CIDEC: variants seen among roughly 807,000 people sequenced by gnomAD.
CIDEC encodes the protein lipid transferase CIDEC.
In CIDEC, 11 loss-of-function variants were observed where a neutral mutation model predicts 21.9. The ratio of observed to expected loss-of-function variants is 0.50; its 90% CI spans 0.32 to 0.83. The LOEUF is 0.83. Ranked by LOEUF, CIDEC falls within the 40% of genes least tolerant of loss-of-function variation. The probability of loss-of-function intolerance (pLI) is 0.04; values close to 1 mark genes in which losing one functional copy is unlikely to be tolerated. For missense variants in CIDEC, 302 were observed against 302.3 expected, an observed-to-expected ratio of 1.00 and a Z score of 0.01; for synonymous variants, 127 against 124.9, an observed-to-expected ratio of 1.02 and a Z score of -0.11.
chr3:9,874,325 A>G (rs466573), intron 4 of CIDEC, among the ~76,000 whole-genome samples: 119,070 of 151,656 alleles, frequency 0.79, 46,819 homozygotes, highest in Middle Eastern at 0.83. Flanking sequence ...AGACCAGGCT[A>G]GGAAACATAG....
intron 4 of CIDEC, among the ~76,000 whole-genome samples, chr3:9,874,045 T>C (rs770589417): frequency 9.9e-5 from 15 of 152,054 alleles, no homozygotes; most frequent in Middle Eastern, 3.4e-3. Context: ...GCAGGGAAAA[T>C]ACAAGATGAG....
In CIDEC at chr3:9,866,982, C is replaced by T. The variant is rs546874315; in HGVS notation, c.*152G>A. On this transcript the variant is annotated 3_prime_UTR_variant, in exon 7 of 7. Coordinates refer to ENST00000336832, the MANE Select transcript of CIDEC (RefSeq NM_001321142.2). ...CCTTTGGCCAACCCACCCCAGGTTTCCAGCTCCTCCTCCTCACTCAGGGTC... is the reference window on the plus strand; with the variant it reads ...CCTTTGGCCAACCCACCCCAGGTTTTCAGCTCCTCCTCCTCACTCAGGGTC... 2.7e-4 allele frequency: 239 copies of T among 887,962 alleles called. No individual in the cohort carries two copies. The East Asian group carries it at 5.5e-3, about 20-fold the overall frequency. 55.0% of individuals were successfully genotyped at this position (887,962 alleles called of 1,614,324 possible).
intron 6 of CIDEC, 122 bp downstream of exon 6, chr3:9,869,760 G>C: frequency 1.1e-6 from 1 of 885,898 alleles, no homozygotes; most frequent in Non-Finnish European, 1.8e-6. Flanking sequence ...TCTGATACAG[G>C]CTATGCTTTG....
intron 4 of CIDEC, among the ~76,000 whole-genome samples, chr3:9,875,383 A>AAAAG (rs1553563757): frequency 6.8e-6 from 1 of 147,822 alleles, no homozygotes; most frequent in African/African-American, 2.6e-5. Flanking sequence ...TCTCAAAAAA[A>AAAAG]AAAAAAAAAA....
At chr3:9,870,393 G>A (rs547869470) in intron 4 of CIDEC, 71 bp from the exon 5 acceptor site, 48 of 1,599,122 alleles carry the variant, frequency 3.0e-5, no homozygotes, top group Non-Finnish European at 4.0e-5. Flanking sequence ...GGTGGAACTG[G>A]AGCCCAGGCC....
intron 3 of CIDEC, among the ~76,000 whole-genome samples, chr3:9,877,518 G>A (rs984400612): frequency 6.6e-6 from 1 of 152,168 alleles, no homozygotes; most frequent in African/African-American, 2.4e-5. Context: ...AGATTAGCCA[G>A]TGTGGTGGCA....
rs2082453943 is a variant in CIDEC at position 9,878,209 on chromosome 3, C to T, written c.53+225G>A. 6 of 576,000 alleles carry T rather than the reference C, an allele frequency of 1.0e-5. No homozygotes were observed. The South Asian group carries it at 1.2e-4, about 11-fold the overall frequency. The allele number at this position is 576,000 out of a possible 1,614,324, so 35.7% of individuals were successfully genotyped here. ...GGAGTAAAAGCACCAAGCATAGTGT[C>T]TACTCCTTTTTATGCATGGTGTGGT... On this transcript the variant is annotated intron_variant, in intron 3 of 6. Coordinates refer to ENST00000336832, the MANE Select transcript of CIDEC (RefSeq NM_001321142.2).
chr3:9,875,936 C>T (rs2082416255), intron 4 of CIDEC, among the ~76,000 whole-genome samples: 1 of 152,110 alleles, frequency 6.6e-6, no homozygotes, highest in African/African-American at 2.4e-5. Flanking sequence ...ATGAACAGGT[C>T]CTTTTGATTG....
chr3:9,872,543 T>C (rs1287419688), intron 4 of CIDEC, among the ~76,000 whole-genome samples: 2 of 152,180 alleles, frequency 1.3e-5, no homozygotes, highest in East Asian at 3.8e-4. Context: ...TCAAATCCTT[T>C]GCGCATTTTT....
In CIDEC at chr3:9,870,075, T is replaced by C. The variant is rs780988259; in HGVS notation, c.367-6A>G. The C allele has an allele frequency of 6.2e-6, 10 of 1,614,098 alleles. No homozygotes were observed. In the Admixed American group the frequency reaches 1.5e-4, roughly 24 times the overall value. On this transcript the variant is annotated splice_region_variant and splice_polypyrimidine_tract_variant and intron_variant, in intron 5 of 6. Transcript: ENST00000336832. Reference sequence around the variant, plus strand: ...GACAGTGGGTGCCTTGTCCCCTGCATTGAGACAAGCAAATGGTTAGCACCC... The same window carrying C: ...GACAGTGGGTGCCTTGTCCCCTGCACTGAGACAAGCAAATGGTTAGCACCC...
rs1044883519 is a variant in CIDEC at position 9,879,037 on chromosome 3, A to G, written c.-121T>C. 2 of 591,172 alleles carry G rather than the reference A, an allele frequency of 3.4e-6. No homozygotes were observed. Among genetic ancestry groups the G allele is most frequent in the African/African-American group, 1.9e-5 (1 of 53,812 alleles). The allele number at this position is 591,172 out of a possible 1,614,324, so 36.6% of individuals were successfully genotyped here. A position where few individuals can be genotyped will look rare whatever the true frequency, so the allele number is the denominator to read the frequency against. ...TCCGAGCCCCTTCCTGAGGCTTCAC[A>G]GTGGCCAAAAGAACATTCTGTGATG... is the stretch of plus-strand genomic sequence containing the variant. On this transcript the variant is annotated 5_prime_UTR_variant, in exon 2 of 7. Transcript: ENST00000336832.
chr3:9,867,278 G>C lies in CIDEC; in HGVS notation c.573C>G (p.Ala191=). ...GGCCTGTGGCCTGCATGCTGAAGAG[G>C]GCCCAGCGGAAAGCTTCCCTGGGTG... is the stretch of plus-strand genomic sequence containing the variant. ...KRIMKEAFRW[A]LFSMQATGHV... is the part of the protein sequence containing the mutation. The change falls in exon 7 of 7, where the codon GCC becomes GCG. Residue 191 remains alanine, a synonymous_variant. Coordinates refer to ENST00000336832, the MANE Select transcript of CIDEC (RefSeq NM_001321142.2). 6.2e-7 allele frequency: 1 copy of C among 1,614,182 alleles called. No individual in the cohort carries two copies. Among genetic ancestry groups the C allele is most frequent in the Non-Finnish European group, 8.5e-7 (1 of 1,180,042 alleles).
chr3:9,875,779 C>T (rs1474187761), intron 4 of CIDEC, among the ~76,000 whole-genome samples: 1 of 152,202 alleles, frequency 6.6e-6, no homozygotes, highest in East Asian at 1.9e-4. Flanking sequence ...ATGATTCAGG[C>T]AAAGTTTTGT....
At chr3:9,878,332 G>A (rs1452060437) in intron 3 of CIDEC, 102 bp downstream of exon 3, 10 of 915,708 alleles carry the variant, frequency 1.1e-5, no homozygotes, top group Admixed American at 1.7e-5. Flanking sequence ...ATCTGCACTT[G>A]AACAAGGTCC....
chr3:9,869,028 T>G (rs1296891741), intron 6 of CIDEC, among the ~76,000 whole-genome samples: 1 of 152,116 alleles, frequency 6.6e-6, no homozygotes, highest in Admixed American at 6.6e-5. Flanking sequence ...AGGGTCTCAC[T>G]GTGTTGCCGA....
Position 9,878,479 on chromosome 3 carries a change from T to A in CIDEC, c.8A>T (p.Tyr3Phe). 1.2e-6 allele frequency: 2 copies of A among 1,614,080 alleles called. No homozygotes were observed. Among genetic ancestry groups the A allele is most frequent in the Non-Finnish European group, 1.7e-6 (2 of 1,179,946 alleles). ...GAGAAGGCTAAGGGACTTCATGGCGTATTCCATCCTTGTCAGCTGGACTGC... is the reference window on the plus strand; with the variant it reads ...GAGAAGGCTAAGGGACTTCATGGCGAATTCCATCCTTGTCAGCTGGACTGC... ME[Y>F]AMKSLSLLYP... is the part of the protein sequence containing the mutation. The change falls in exon 3 of 7, where the codon TAC becomes TTC. Residue 3 changes from tyrosine to phenylalanine, a missense_variant. Physicochemically the swap from Tyr to Phe is conservative, Grantham distance 22. Coordinates refer to ENST00000336832, the MANE Select transcript of CIDEC (RefSeq NM_001321142.2).
At chr3:9,867,707 C>A (rs983975016) in intron 6 of CIDEC, among the ~76,000 whole-genome samples, 4 of 149,398 alleles carry the variant, frequency 2.7e-5, no homozygotes, top group Admixed American at 6.7e-5. Context: ...GTGGGTGGAT[C>A]ATTTGAGGTC....
Position 9,878,594 on chromosome 3 carries a change from C to A in CIDEC, c.-25-83G>T, listed in dbSNP as rs570191450. On this transcript the variant is annotated intron_variant, in intron 2 of 6. Coordinates refer to ENST00000336832, the MANE Select transcript of CIDEC (RefSeq NM_001321142.2). ...CATTGTTAGGCAAGGTGCAACCCAA[C>A]CCCTGTTCAGCAACCTTCCTCCCTA... The A allele has an allele frequency of 1.4e-3, 1,813 of 1,340,052 alleles. 4 individuals carry two copies. The highest frequency in any genetic ancestry group is 1.8e-3 in the Non-Finnish European group (1,708 of 942,566). 83.0% of individuals were successfully genotyped at this position (1,340,052 alleles called of 1,614,324 possible). A position where few individuals can be genotyped will look rare whatever the true frequency, so the allele number is the denominator to read the frequency against.
chr3:9,876,931 T>C, intron 4 of CIDEC, 135 bp downstream of exon 4: 2 of 719,930 alleles, frequency 2.8e-6, no homozygotes, highest in South Asian at 3.2e-5. Flanking sequence ...GTTGGACAGC[T>C]CTCCAGGTGG....
Sources: gnomAD v4.1 joint callset for allele counts (sites outside exome capture counted in the v4.1 genomes callset) on GRCh38, gnomAD v4.1.1 for gene constraint, MANE v1.5 for transcripts, NCBI Gene and HGNC (gene_info 2026-07-23, HGNC 2026-07-21) for gene names.